Variants in SSPN observed in about 807,000 individuals in gnomAD.
The protein encoded by SSPN is sarcospan.
A neutral mutation model predicts 19.1 loss-of-function variants in SSPN; 15 were observed. The observed-to-expected ratio is 0.78, with a 90% CI of 0.52 to 1.21. SSPN has a LOEUF of 1.21. Among genes scored for constraint, SSPN ranks in the 50% most tolerant of loss-of-function variants. SSPN has a pLI of 0.00. For synonymous variants in SSPN, 147 were observed against 140.3 expected (o/e 1.05, Z -0.34); for missense variants, 291 against 314.0 (o/e 0.93, Z 0.55).
At position 26,231,154 on chromosome 12, in the gene SSPN, A is replaced by G. The variant is rs1005339310; in HGVS notation, c.*78A>G. On this transcript the variant is annotated 3_prime_UTR_variant, in exon 3 of 3. Coordinates refer to ENST00000242729, the MANE Select transcript of SSPN (RefSeq NM_005086.5). ...AACAAACAAAAAAAAATTTTAAACA[A>G]AGAAAGGAAAAAAATTGACAATAAA... The G allele has an allele frequency of 9.3e-5, 133 of 1,432,742 alleles. No individual in the cohort carries two copies. Among genetic ancestry groups the G allele is most frequent in the Non-Finnish European group, 1.2e-4 (126 of 1,091,442 alleles). The allele number at this position is 1,432,742 out of a possible 1,614,324, so 88.8% of individuals were successfully genotyped here. A position where few individuals can be genotyped will look rare whatever the true frequency, so the allele number is the denominator to read the frequency against.
intron 1 of SSPN, among the ~76,000 whole-genome samples, chr12:26,128,915 C>T (rs1473234110): frequency 6.6e-6 from 1 of 152,144 alleles, no homozygotes; most frequent in African/African-American, 2.4e-5. Flanking sequence ...CCTAAATATC[C>T]TAAGTCCTGC....
At chr12:26,176,581 CTTCT>C (rs751108003) in intron 1 of SSPN, among the ~76,000 whole-genome samples, 2 of 152,212 alleles carry the variant, frequency 1.3e-5, no homozygotes, top group Admixed American at 6.5e-5. Flanking sequence ...CACTCACTAA[CTTCT>C]TTATCAAAAA....
intron 1 of SSPN, among the ~76,000 whole-genome samples, chr12:26,221,517 T>C (rs1008138872): frequency 1.3e-5 from 2 of 152,218 alleles, no homozygotes; most frequent in Admixed American, 6.5e-5. Flanking sequence ...GTGAATTGAA[T>C]AAGTCAAATG....
At chr12:26,216,179 C>G (rs528107697) in intron 1 of SSPN, among the ~76,000 whole-genome samples, 2 of 152,084 alleles carry the variant, frequency 1.3e-5, no homozygotes, top group Admixed American at 1.3e-4. Flanking sequence ...CACTCTGGAC[C>G]CCTAACCATT....
At chr12:26,124,938 C>T in intron 1 of SSPN, 1 of 741,854 alleles carries the variant, frequency 1.3e-6, no homozygotes, top group Non-Finnish European at 2.4e-6. Flanking sequence ...AGCAGTTGGT[C>T]CCCCCCCTCC....
chr12:26,125,025 C>T, intron 1 of SSPN: 1 of 598,054 alleles, frequency 1.7e-6, no homozygotes, highest in Non-Finnish European at 3.0e-6. Flanking sequence ...GCTCTCACTC[C>T]AGGCAGTGTT....
intron 1 of SSPN, among the ~76,000 whole-genome samples, chr12:26,223,791 G>A (rs919556720): frequency 6.6e-6 from 1 of 152,174 alleles, no homozygotes; most frequent in Non-Finnish European, 1.5e-5. Context: ...AAGAGCTCTA[G>A]CATGTAGTAA....
chr12:26,171,625 T>A (rs1365771100), intron 1 of SSPN, among the ~76,000 whole-genome samples: 1 of 30,532 alleles, frequency 3.3e-5, no homozygotes, highest in Non-Finnish European at 5.4e-5. Context: ...GTTTTCCCTA[T>A]TTTTTTTTTT....
intron 1 of SSPN, chr12:26,124,015 C>T (rs1944339277): frequency 8.5e-7 from 1 of 1,171,084 alleles, no homozygotes; most frequent in East Asian, 2.3e-5. Flanking sequence ...CTGGGAGTCG[C>T]ACCAGACTAT....
intron 1 of SSPN, among the ~76,000 whole-genome samples, chr12:26,184,730 CTA>C (rs753376460): frequency 1.3e-5 from 2 of 152,040 alleles, no homozygotes; most frequent in African/African-American, 2.4e-5. Context: ...AGAGGAAAGA[CTA>C]TTACAGAAAA....
At chr12:26,222,967 C>G (rs1226192935) in intron 1 of SSPN, among the ~76,000 whole-genome samples, 2 of 152,140 alleles carry the variant, frequency 1.3e-5, no homozygotes, top group Non-Finnish European at 2.9e-5. Flanking sequence ...TCCTCCCCAT[C>G]TCTTTCTCTG....
Position 26,232,932 on chromosome 12 carries a change from A to AT in SSPN, c.*1858dup, listed in dbSNP as rs1339227523. The AT allele has an allele frequency of 1.5e-5, 1 of 66,022 alleles. No homozygotes were observed. The highest frequency in any genetic ancestry group is 4.3e-4 in the East Asian group (1 of 2,312). 4.1% of individuals were successfully genotyped at this position (66,022 alleles called of 1,614,324 possible). ...GGACCTGTAAAATACCTTGTGCCCTATTAAAAAAAAAAAAAAAAAAAAAGC... is the reference window on the plus strand; with the variant it reads ...GGACCTGTAAAATACCTTGTGCCCTATTTAAAAAAAAAAAAAAAAAAAAAGC... On this transcript the variant is annotated 3_prime_UTR_variant, in exon 3 of 3. Transcript: ENST00000242729.
intron 1 of SSPN, among the ~76,000 whole-genome samples, chr12:26,200,021 T>G (rs1402500115): frequency 6.6e-6 from 1 of 152,266 alleles, no homozygotes; most frequent in Non-Finnish European, 1.5e-5. Flanking sequence ...TCAATTTAAG[T>G]GCAAACTCTT....
chr12:26,122,363 C>A lies in SSPN; in HGVS notation c.-31+211C>A, dbSNP rs1275119557. ...GGATGCCGGGGTATAGCAGCGGGAA[C>A]GGGGCGGCAGCCGCCGCCGGGTACA... On this transcript the variant is annotated intron_variant, in intron 1 of 2. Transcript: ENST00000538142. The A allele has an allele frequency of 1.6e-5, 19 of 1,186,884 alleles. No homozygotes were observed. The East Asian group carries it at 2.2e-4, about 14-fold the overall frequency. 73.5% of individuals were successfully genotyped at this position (1,186,884 alleles called of 1,614,324 possible).
rs1004373666 is a variant in SSPN at position 26,232,252 on chromosome 12, G to A, written c.*1176G>A. 1 of 985,352 alleles carries A rather than the reference G, an allele frequency of 1.0e-6. No individual in the cohort carries two copies. Among genetic ancestry groups the A allele is most frequent in the Non-Finnish European group, 1.2e-6 (1 of 829,858 alleles). The allele number at this position is 985,352 out of a possible 1,614,324, so 61.0% of individuals were successfully genotyped here. ...AGTCAACCTAGGAAATCAAAATAAT[G>A]TTTTGAAGTTCTTATTTGAGCAATA... On this transcript the variant is annotated 3_prime_UTR_variant, in exon 3 of 3. Transcript: ENST00000242729.
chr12:26,164,755 T>C (rs1944610510), intron 1 of SSPN, among the ~76,000 whole-genome samples: 1 of 152,250 alleles, frequency 6.6e-6, no homozygotes, highest in East Asian at 1.9e-4. Context: ...ACCCTGTTTT[T>C]GTAAAACAAT....
At chr12:26,137,982 A>T (rs916177914) in intron 1 of SSPN, among the ~76,000 whole-genome samples, 5 of 151,880 alleles carry the variant, frequency 3.3e-5, no homozygotes, top group African/African-American at 1.2e-4. Context: ...GTTGAATATT[A>T]ACAGTTGTCC....
intron 1 of SSPN, chr12:26,180,998 C>T (rs924058866): frequency 2.0e-5 from 3 of 152,214 alleles, no homozygotes; most frequent in African/African-American, 7.2e-5. Flanking sequence ...CACTCCAGTT[C>T]TCCCCAGTTC....
chr12:26,176,294 A>G (rs914228330), intron 1 of SSPN, among the ~76,000 whole-genome samples: 5 of 152,250 alleles, frequency 3.3e-5, no homozygotes, highest in African/African-American at 1.2e-4. Flanking sequence ...TTTTATAGAT[A>G]GAAGACTCAT....
Sources: gnomAD v4.1 joint callset for allele counts (sites outside exome capture counted in the v4.1 genomes callset) on GRCh38, gnomAD v4.1.1 for gene constraint, MANE v1.5 for transcripts, NCBI Gene and HGNC (gene_info 2026-07-23, HGNC 2026-07-21) for gene names.